The following ANO10 variants were observed in gnomAD, a reference collection of about 807,000 sequenced individuals.
The protein encoded by ANO10 is anoctamin 10.
In ANO10, 77 loss-of-function variants were observed where a neutral mutation model predicts 74.7. That is an observed-to-expected ratio of 1.03 (90% CI 0.86 to 1.25). The LOEUF is 1.25. Ranked by LOEUF, ANO10 falls within the 50% of genes most tolerant of loss-of-function variation. ANO10 has a pLI of 0.00. For missense variants in ANO10, 721 were observed against 778.1 expected, an observed-to-expected ratio of 0.93 and a Z score of 0.87; for synonymous variants, 279 against 284.9, an observed-to-expected ratio of 0.98 and a Z score of 0.21.
chr3:43,525,543 C>T (rs994018180), intron 11 of ANO10, among the ~76,000 whole-genome samples: 1 of 152,226 alleles, frequency 6.6e-6, no homozygotes, highest in Non-Finnish European at 1.5e-5. Flanking sequence ...TGAGCACCCC[C>T]ACGAGGCACA....
intron 11 of ANO10, among the ~76,000 whole-genome samples, chr3:43,547,192 G>A (rs1157077707): frequency 6.6e-6 from 1 of 152,058 alleles, no homozygotes; most frequent in African/African-American, 2.4e-5. Flanking sequence ...TCTATGTCCA[G>A]CAAAACTATA....
intron 1 of ANO10, among the ~76,000 whole-genome samples, chr3:43,618,862 A>C (rs2372488): frequency 0.78 from 118,132 of 151,888 alleles, 46,479 homozygotes; most frequent in East Asian, 0.89. Context: ...AGTGCAGTGG[A>C]GCAATCTCTG....
At chr3:43,590,740 G>A (rs1404269303) in intron 4 of ANO10, among the ~76,000 whole-genome samples, 1 of 152,190 alleles carries the variant, frequency 6.6e-6, no homozygotes, top group Admixed American at 6.5e-5. Context: ...GAGCAAACAA[G>A]CTCTAAAATA....
At chr3:43,686,389 G>A (rs1003765357) in intron 1 of ANO10, among the ~76,000 whole-genome samples, 4 of 152,026 alleles carry the variant, frequency 2.6e-5, no homozygotes, top group Non-Finnish European at 5.9e-5. Flanking sequence ...TGGGCTCAAA[G>A]GATCCTCCCA....
chr3:43,439,813 T>C (rs1285638711), intron 11 of ANO10, among the ~76,000 whole-genome samples: 2 of 151,864 alleles, frequency 1.3e-5, no homozygotes, highest in Admixed American at 1.3e-4. Context: ...CCCAGGGAAG[T>C]TGTGGTTGCA....
chr3:43,416,993 A>C (rs1253400447), intron 12 of ANO10, among the ~76,000 whole-genome samples: 2 of 152,252 alleles, frequency 1.3e-5, no homozygotes, highest in Non-Finnish European at 2.9e-5. Context: ...AAGGAAGGTA[A>C]ACTCTAATTT....
chr3:43,510,476 T>C (rs578020045), intron 11 of ANO10, among the ~76,000 whole-genome samples: 1 of 149,240 alleles, frequency 6.7e-6, no homozygotes, highest in Non-Finnish European at 1.5e-5. Context: ...CACACACAAG[T>C]ACAGGTAAAA....
chr3:43,411,965 G>T (rs2092672161), intron 12 of ANO10, among the ~76,000 whole-genome samples: 1 of 150,814 alleles, frequency 6.6e-6, no homozygotes, highest in African/African-American at 2.4e-5. Context: ...GGATAGGATA[G>T]GGCCTAAGTA....
chr3:43,459,723 T>C (rs1383250738), intron 11 of ANO10, among the ~76,000 whole-genome samples: 1 of 152,184 alleles, frequency 6.6e-6, no homozygotes, highest in East Asian at 1.9e-4. Context: ...AAGTGCTTTT[T>C]GGGCCTCAGA....
At chr3:43,482,692 A>G (rs1397922895) in intron 11 of ANO10, among the ~76,000 whole-genome samples, 1 of 152,202 alleles carries the variant, frequency 6.6e-6, no homozygotes, top group Non-Finnish European at 1.5e-5. Context: ...TGTGTGACCA[A>G]AAAGGCCTTG....
intron 12 of ANO10, among the ~76,000 whole-genome samples, chr3:43,407,316 G>A (rs960535627): frequency 8.5e-5 from 13 of 152,124 alleles, no homozygotes; most frequent in East Asian, 3.9e-4. Context: ...CTGTGCCAGC[G>A]CGCAGACTGG....
intron 4 of ANO10, among the ~76,000 whole-genome samples, chr3:43,584,420 T>C (rs1453728421): frequency 6.6e-6 from 1 of 152,098 alleles, no homozygotes; most frequent in Non-Finnish European, 1.5e-5. Context: ...GGCTCACTCA[T>C]ACCCAGAGAG....
At chr3:43,631,946 G>A (rs2083552550) in intron 1 of ANO10, among the ~76,000 whole-genome samples, 2 of 151,752 alleles carry the variant, frequency 1.3e-5, no homozygotes, top group African/African-American at 2.4e-5. Flanking sequence ...GGTGGTGGGC[G>A]CCTATAATCC....
In ANO10 at chr3:43,415,087, T is replaced by G. The variant is rs146328959; in HGVS notation, c.1914+17524A>C. On this transcript the variant is annotated intron_variant, in intron 12 of 12. Coordinates refer to ENST00000292246, the MANE Select transcript of ANO10 (RefSeq NM_018075.5). ...CCTCCTGGGTTCAAGAGATTCTCGT[T>G]CCTGAGCCTCCTGAGTAGCTGGGAT... Among the ~76,000 whole-genome samples, 104 of 150,814 alleles carry G rather than the reference T, an allele frequency of 6.9e-4. 2 individuals are homozygous for G. Among genetic ancestry groups the G allele is most frequent in the African/African-American group, 2.1e-3 (86 of 41,090 alleles).
chr3:43,587,937 G>C (rs2081553401), intron 4 of ANO10, among the ~76,000 whole-genome samples: 1 of 152,056 alleles, frequency 6.6e-6, no homozygotes, highest in African/African-American at 2.4e-5. Context: ...AACTTTTCTA[G>C]GAAAATATAA....
chr3:43,598,514 G>A lies in ANO10; in HGVS notation c.472+18C>T, dbSNP rs1364042543. The A allele has an allele frequency of 6.2e-7, 1 of 1,611,952 alleles. No homozygotes were observed. The highest frequency in any genetic ancestry group is 1.1e-5 in the South Asian group (1 of 90,642). On this transcript the variant is annotated intron_variant, in intron 4 of 12. Coordinates refer to ENST00000292246, the MANE Select transcript of ANO10 (RefSeq NM_018075.5). ...TTTATGTCTATTAAGAAAAAGACTGGTTGACATAATGACTTACACAATGAT... is the reference window on the plus strand; with the variant it reads ...TTTATGTCTATTAAGAAAAAGACTGATTGACATAATGACTTACACAATGAT...
rs369807543 is a variant in ANO10 at position 43,684,403 on chromosome 3, AT to A, written c.-12+7113del. On this transcript the variant is annotated intron_variant, in intron 1 of 3. Coordinates refer to the ANO10 transcript ENST00000413397. ...GAAATACCATCTCACACCAGTTAGA[AT>A]GGCAATCATTAAAAAGTCAGGAAAC... is the stretch of plus-strand genomic sequence containing the variant. Among the ~76,000 whole-genome samples, 953 of 152,354 alleles carry A rather than the reference AT, an allele frequency of 6.3e-3. 8 individuals carry two copies. The highest frequency in any genetic ancestry group is 0.021 in the African/African-American group (866 of 41,572).
At chr3:43,550,013 G>GA (rs34777385) in intron 10 of ANO10, among the ~76,000 whole-genome samples, 165 bp from the exon 11 acceptor site, 4 of 151,098 alleles carry the variant, frequency 2.6e-5, no homozygotes, top group South Asian at 2.1e-4. Flanking sequence ...TTTTTTAGCT[G>GA]AAAAAAAAGC....
chr3:43,646,099 C>G (rs564629394), intron 1 of ANO10, among the ~76,000 whole-genome samples: 2 of 152,208 alleles, frequency 1.3e-5, no homozygotes, highest in African/African-American at 4.8e-5. Context: ...TGAGCCACTG[C>G]GCCTGGCCTC....
Sources: gnomAD v4.1 joint callset for allele counts (sites outside exome capture counted in the v4.1 genomes callset) on GRCh38, gnomAD v4.1.1 for gene constraint, MANE v1.5 for transcripts, NCBI Gene and HGNC (gene_info 2026-07-23, HGNC 2026-07-21) for gene names.